SPIDR: variants seen among roughly 807,000 people sequenced by gnomAD.
SPIDR encodes the protein scaffold protein involved in DNA repair.
SPIDR carries 93 observed loss-of-function variants against 104.6 expected under a neutral mutation model. That is an observed-to-expected ratio of 0.89 (90% CI 0.75 to 1.06). The LOEUF (loss-of-function observed/expected upper bound fraction) is 1.06. Ranked by LOEUF, SPIDR falls within the 50% of genes least tolerant of loss-of-function variation. SPIDR has a pLI of 0.00. For missense variants in SPIDR, 1,154 were observed against 1,111.2 expected, an observed-to-expected ratio of 1.04 and a Z score of -0.55; for synonymous variants, 431 against 416.9, an observed-to-expected ratio of 1.03 and a Z score of -0.41.
At chr8:47,597,674 A>G (rs1451277649) in intron 9 of SPIDR, among the ~76,000 whole-genome samples, 1 of 152,178 alleles carries the variant, frequency 6.6e-6, no homozygotes, top group Non-Finnish European at 1.5e-5. Context: ...CTTTTCCACA[A>G]TATGTATTAT....
chr8:47,732,879 AGTT>A (rs1416079687), intron 19 of SPIDR, among the ~76,000 whole-genome samples: 1 of 152,210 alleles, frequency 6.6e-6, no homozygotes, highest in Non-Finnish European at 1.5e-5. Flanking sequence ...GATTGTCTGT[AGTT>A]GTGCATCTCA....
chr8:47,515,168 T>C (rs887471700), intron 8 of SPIDR, among the ~76,000 whole-genome samples: 2 of 152,182 alleles, frequency 1.3e-5, no homozygotes. Flanking sequence ...GATTCTAGTG[T>C]GCTTTCTGAC....
Position 47,442,471 on chromosome 8 carries a change from G to A in SPIDR, c.1097+1929G>A, listed in dbSNP as rs114609418. 5.3e-4 allele frequency among the ~76,000 whole-genome samples: 81 copies of A among 152,224 alleles called. No homozygotes were observed. The East Asian group carries it at 6.2e-3, about 12-fold the overall frequency. On this transcript the variant is annotated intron_variant, in intron 8 of 19. Transcript: ENST00000297423. ...AGGGTAGGTTAATCTCTGCATTCAC[G>A]GAGTAGGGCTTTAAAGGTAGTGTCT...
At chr8:47,344,181 A>G (rs1554615985) in intron 5 of SPIDR, among the ~76,000 whole-genome samples, 1 of 142,002 alleles carries the variant, frequency 7.0e-6, no homozygotes, top group Middle Eastern at 4.5e-3. Context: ...AAGTGTTCTC[A>G]TTGTTCAATT....
chr8:47,441,767 C>T (rs1468502923), intron 8 of SPIDR, among the ~76,000 whole-genome samples: 2 of 152,010 alleles, frequency 1.3e-5, no homozygotes, highest in African/African-American at 2.4e-5. Flanking sequence ...AGACTTTCAT[C>T]GATTTAAAAA....
At chr8:47,408,977 A>G (rs2063131700) in intron 7 of SPIDR, among the ~76,000 whole-genome samples, 1 of 152,120 alleles carries the variant, frequency 6.6e-6, no homozygotes. Context: ...CATGAGGTCA[A>G]GAGATCGAGA....
At chr8:47,614,667 T>C (rs2064054136) in intron 10 of SPIDR, among the ~76,000 whole-genome samples, 1 of 152,252 alleles carries the variant, frequency 6.6e-6, no homozygotes, top group African/African-American at 2.4e-5. Flanking sequence ...CATGCATGTA[T>C]CTTCATCATA....
chr8:47,576,223 C>A (rs762470280), intron 8 of SPIDR, among the ~76,000 whole-genome samples: 1 of 151,570 alleles, frequency 6.6e-6, no homozygotes, highest in Non-Finnish European at 1.5e-5. Context: ...ACAATTTCAG[C>A]TCACTGCAGC....
intron 10 of SPIDR, among the ~76,000 whole-genome samples, chr8:47,607,859 A>G (rs1023377121): frequency 2.0e-5 from 3 of 151,618 alleles, no homozygotes; most frequent in Non-Finnish European, 2.9e-5. Context: ...TGGTTCTGTC[A>G]TGTATACATA....
chr8:47,632,916 C>T (rs1008181296), intron 10 of SPIDR, among the ~76,000 whole-genome samples: 1 of 152,126 alleles, frequency 6.6e-6, no homozygotes, highest in African/African-American at 2.4e-5. Context: ...GCGGAAGCTC[C>T]CAGGCTGAGC....
intron 5 of SPIDR, among the ~76,000 whole-genome samples, chr8:47,372,947 CA>C: frequency 6.6e-6 from 1 of 152,188 alleles, no homozygotes; most frequent in East Asian, 1.9e-4. Flanking sequence ...AAATTCTTAG[CA>C]GGGGTTAGGT....
chr8:47,548,519 G>A (rs2089872499), intron 8 of SPIDR, among the ~76,000 whole-genome samples: 1 of 152,158 alleles, frequency 6.6e-6, no homozygotes, highest in African/African-American at 2.4e-5. Context: ...GTGGTGACGG[G>A]TGCCTCTAAT....
chr8:47,554,157 C>G (rs2090992519), intron 8 of SPIDR, among the ~76,000 whole-genome samples: 1 of 152,144 alleles, frequency 6.6e-6, no homozygotes, highest in South Asian at 2.1e-4. Context: ...TTCAGTCTGC[C>G]CCTACTGGGA....
At chr8:47,515,800 A>C (rs960096093) in intron 8 of SPIDR, among the ~76,000 whole-genome samples, 4 of 152,224 alleles carry the variant, frequency 2.6e-5, no homozygotes, top group Admixed American at 1.3e-4. Flanking sequence ...ATACACATAC[A>C]GTCCATGAAA....
At chr8:47,415,676 A>T (rs2064155204) in intron 7 of SPIDR, among the ~76,000 whole-genome samples, 1 of 152,208 alleles carries the variant, frequency 6.6e-6, no homozygotes, top group South Asian at 2.1e-4. Context: ...GTAGGCTCTC[A>T]CTAGGCACAG....
intron 8 of SPIDR, among the ~76,000 whole-genome samples, chr8:47,455,694 CAG>C (rs570127411): frequency 3.9e-5 from 6 of 152,036 alleles, no homozygotes; most frequent in South Asian, 2.1e-4. Context: ...TAAAAAAGAA[CAG>C]GGGTGACTAT....
At chr8:47,505,257 GCCT>G (rs1425789116) in intron 8 of SPIDR, among the ~76,000 whole-genome samples, 1 of 152,140 alleles carries the variant, frequency 6.6e-6, no homozygotes, top group Admixed American at 6.5e-5. Flanking sequence ...AGGCAGGCAG[GCCT>G]CCTTGAGCTG....
intron 8 of SPIDR, among the ~76,000 whole-genome samples, chr8:47,575,458 A>G (rs2058969092): frequency 1.3e-5 from 2 of 150,872 alleles, no homozygotes; most frequent in East Asian, 1.9e-4. Flanking sequence ...CCTGGCTAAC[A>G]CGGTGAAACC....
intron 10 of SPIDR, among the ~76,000 whole-genome samples, chr8:47,601,737 A>G (rs574613623): frequency 6.6e-6 from 1 of 152,310 alleles, no homozygotes; most frequent in East Asian, 1.9e-4. Flanking sequence ...CCGTGTTTAG[A>G]TTAAGGCTGA....
Sources: allele counts gnomAD v4.1 joint callset (sites outside exome capture counted in the v4.1 genomes callset), GRCh38; gene constraint gnomAD v4.1.1; transcripts MANE v1.5; gene names NCBI Gene and HGNC (gene_info 2026-07-23, HGNC 2026-07-21).